LPCAT2: variants seen among roughly 807,000 people sequenced by gnomAD.
The protein encoded by LPCAT2 is 1-AGP acyltransferase 11.
LPCAT2 carries 58 observed loss-of-function variants against 64.7 expected under a neutral mutation model. That is an observed-to-expected ratio of 0.90 (90% CI 0.73 to 1.12). LPCAT2 has a LOEUF of 1.12. LPCAT2 is among the 50% of genes most tolerant of loss of function. The pLI is 0.00. For synonymous variants in LPCAT2, 252 were observed against 245.3 expected, an observed-to-expected ratio of 1.03 and a Z score of -0.26; for missense variants, 579 against 669.8, an observed-to-expected ratio of 0.86 and a Z score of 1.50.
At chr16:55,561,842 G>A (rs1437537434) in intron 11 of LPCAT2, among the ~76,000 whole-genome samples, 1 of 151,868 alleles carries the variant, frequency 6.6e-6, no homozygotes, top group Admixed American at 6.6e-5. Context: ...GTTCACAGAG[G>A]CCATTTCATT....
At chr16:55,557,761 T>G (rs1268505649) in intron 11 of LPCAT2, among the ~76,000 whole-genome samples, 3 of 152,124 alleles carry the variant, frequency 2.0e-5, no homozygotes, top group African/African-American at 7.2e-5. Flanking sequence ...CCTCAATATC[T>G]CTCCACCATT....
intron 10 of LPCAT2, among the ~76,000 whole-genome samples, chr16:55,550,339 G>T (rs1395867955): frequency 6.6e-6 from 1 of 152,060 alleles, no homozygotes; most frequent in Non-Finnish European, 1.5e-5. Flanking sequence ...ACTAATCTTG[G>T]AGGACATGTG....
At chr16:55,516,999 T>C (rs1260939653) in intron 1 of LPCAT2, among the ~76,000 whole-genome samples, 1 of 152,078 alleles carries the variant, frequency 6.6e-6, no homozygotes, top group Non-Finnish European at 1.5e-5. Flanking sequence ...AATTCACAAA[T>C]ATGTCAAAAT....
At chr16:55,558,361 C>G (rs1389825583) in intron 11 of LPCAT2, among the ~76,000 whole-genome samples, 2 of 152,252 alleles carry the variant, frequency 1.3e-5, no homozygotes, top group Non-Finnish European at 2.9e-5. Flanking sequence ...TCATTTCATC[C>G]TCCTTCAGCA....
intron 1 of LPCAT2, among the ~76,000 whole-genome samples, chr16:55,511,435 C>T (rs1962930974): frequency 6.6e-6 from 1 of 152,078 alleles, no homozygotes; most frequent in African/African-American, 2.4e-5. Context: ...TTAAGTATGA[C>T]TTAGTATGAT....
At chr16:55,571,010 C>T (rs1596886498) in intron 11 of LPCAT2, among the ~76,000 whole-genome samples, 1 of 152,234 alleles carries the variant, frequency 6.6e-6, no homozygotes, top group South Asian at 2.1e-4. Context: ...TTTGACAACA[C>T]TGATTATCTC....
chr16:55,517,554 G>C (rs1963030467), intron 1 of LPCAT2, among the ~76,000 whole-genome samples: 2 of 152,028 alleles, frequency 1.3e-5, no homozygotes, highest in African/African-American at 4.8e-5. Context: ...GAAAACTACA[G>C]ACCAATATCC....
chr16:55,574,941 TAAC>T (rs1963811455), intron 12 of LPCAT2, among the ~76,000 whole-genome samples: 1 of 152,144 alleles, frequency 6.6e-6, no homozygotes, highest in Non-Finnish European at 1.5e-5. Flanking sequence ...GTAGCCTAAT[TAAC>T]AACATCAAGA....
At chr16:55,538,016 AG>A (rs1261305863) in intron 8 of LPCAT2, among the ~76,000 whole-genome samples, 3 of 152,312 alleles carry the variant, frequency 2.0e-5, no homozygotes, top group African/African-American at 7.2e-5. Flanking sequence ...CTTGGGGTCT[AG>A]GGGAGAGACA....
intron 8 of LPCAT2, chr16:55,541,641 G>A: frequency 4.1e-6 from 1 of 243,292 alleles, no homozygotes; most frequent in South Asian, 4.8e-5. Flanking sequence ...ATTAACTAGA[G>A]TTTTTGTTCT....
At chr16:55,530,594 T>C (rs1459754818) in intron 4 of LPCAT2, among the ~76,000 whole-genome samples, 1 of 152,144 alleles carries the variant, frequency 6.6e-6, no homozygotes, top group East Asian at 1.9e-4. Context: ...AGCAGACTAA[T>C]AGTCCTACAG....
chr16:55,541,150 C>T (rs1963391283), intron 8 of LPCAT2: 1 of 152,084 alleles, frequency 6.6e-6, no homozygotes, highest in South Asian at 2.1e-4. Context: ...CCACGGAAAG[C>T]AAAATCCCAG....
At chr16:55,574,810 G>T (rs545328484) in intron 12 of LPCAT2, 81 bp downstream of exon 12, 8 of 1,010,140 alleles carry the variant, frequency 7.9e-6, no homozygotes, top group Admixed American at 5.2e-5. Flanking sequence ...GAAAATCAGT[G>T]AATCTATTAT....
At chr16:55,566,101 A>G (rs1286215714) in intron 11 of LPCAT2, among the ~76,000 whole-genome samples, 1 of 152,142 alleles carries the variant, frequency 6.6e-6, no homozygotes, top group Non-Finnish European at 1.5e-5. Flanking sequence ...TATATGATAC[A>G]TTTTTTACAT....
chr16:55,569,586 T>C (rs1963746906), intron 11 of LPCAT2, among the ~76,000 whole-genome samples: 1 of 152,220 alleles, frequency 6.6e-6, no homozygotes, highest in Non-Finnish European at 1.5e-5. Flanking sequence ...TCATAAAAGT[T>C]AAAACAATCA....
At position 55,571,626 on chromosome 16, in the gene LPCAT2, ATT is replaced by A. The variant is rs550238665; in HGVS notation, c.1216-2997_1216-2996del. On this transcript the variant is annotated intron_variant, in intron 11 of 13. Coordinates refer to ENST00000262134, the MANE Select transcript of LPCAT2 (RefSeq NM_017839.5). ...GGCCCTGAAATATCTTCAAGTCTGG[ATT>A]TTTTTTTATTAAGTTTATAATTCTT... 1.1e-4 allele frequency among the ~76,000 whole-genome samples: 17 copies of A among 151,728 alleles called. No homozygotes were observed. In the South Asian group the frequency reaches 3.3e-3, roughly 30 times the overall value.
intron 11 of LPCAT2, among the ~76,000 whole-genome samples, chr16:55,554,235 G>A (rs1197880254): frequency 6.6e-6 from 1 of 152,078 alleles, no homozygotes; most frequent in Non-Finnish European, 1.5e-5. Flanking sequence ...TTGAAGCCAG[G>A]CATTGATTTC....
chr16:55,556,957 A>G (rs1488507448), intron 11 of LPCAT2: 1 of 152,200 alleles, frequency 6.6e-6, no homozygotes, highest in Non-Finnish European at 1.5e-5. Context: ...CAGTTGGAAG[A>G]CTGGTGAGCC....
intron 10 of LPCAT2, among the ~76,000 whole-genome samples, chr16:55,550,632 C>T (rs1465825310): frequency 4.6e-5 from 7 of 152,156 alleles, no homozygotes; most frequent in South Asian, 2.1e-4. Context: ...AGATTAAATG[C>T]GGGCCGGGCG....
Sources: allele counts gnomAD v4.1 joint callset (sites outside exome capture counted in the v4.1 genomes callset), GRCh38; gene constraint gnomAD v4.1.1; transcripts MANE v1.5; gene names NCBI Gene and HGNC (gene_info 2026-07-23, HGNC 2026-07-21).